MIA2: variants seen among roughly 807,000 people sequenced by gnomAD.
MIA2 encodes MIA SH3 domain ER export factor 2.
A neutral mutation model predicts 167.8 loss-of-function variants in MIA2; 127 were observed. The ratio of observed to expected loss-of-function variants is 0.76; its 90% CI spans 0.66 to 0.88. MIA2 has a LOEUF of 0.88. MIA2 is among the 40% of genes least tolerant of loss of function. MIA2 has a pLI of 0.00. For synonymous variants in MIA2, 552 were observed against 541.9 expected, an observed-to-expected ratio of 1.02 and a Z score of -0.26; for missense variants, 1,690 against 1,624.7, an observed-to-expected ratio of 1.04 and a Z score of -0.69.
intron 4 of MIA2, among the ~76,000 whole-genome samples, chr14:39,250,640 G>A (rs533540391): frequency 8.8e-4 from 133 of 151,436 alleles, no homozygotes; most frequent in African/African-American, 3.1e-3. Flanking sequence ...AGGTTGCAGC[G>A]AGCTGAAATT....
intron 22 of MIA2, among the ~76,000 whole-genome samples, chr14:39,318,274 G>T (rs555871930): frequency 6.8e-6 from 1 of 147,146 alleles, no homozygotes; most frequent in Non-Finnish European, 1.5e-5. Flanking sequence ...AGTGTAGATG[G>T]ATGGAGGTAA....
intron 2 of MIA2, 105 bp from the exon 3 acceptor site, chr14:39,240,456 G>T (rs966582774): frequency 3.1e-5 from 20 of 651,474 alleles, no homozygotes; most frequent in Non-Finnish European, 4.5e-5. Flanking sequence ...TAATGTTTGC[G>T]ATTCAGAGTA....
exon 24 of MIA2, chr14:39,387,183 A>C: frequency 2.2e-6 from 1 of 454,890 alleles, no homozygotes; most frequent in Non-Finnish European, 3.8e-6. Flanking sequence ...GCTACCATAG[A>C]TAGTATTTCA....
intron 25 of MIA2, among the ~76,000 whole-genome samples, chr14:39,343,827 ATGTG>A (rs1386652363): frequency 6.6e-6 from 1 of 151,880 alleles, no homozygotes; most frequent in Non-Finnish European, 1.5e-5. Flanking sequence ...GTGTGTGTAT[ATGTG>A]TGTATGTATG....
At chr14:39,243,058 G>A (rs2054123840) in intron 3 of MIA2, among the ~76,000 whole-genome samples, 1 of 150,750 alleles carries the variant, frequency 6.6e-6, no homozygotes, top group African/African-American at 2.5e-5. Flanking sequence ...AGAAGGCGGA[G>A]GTTACAGTGA....
intron 23 of MIA2, chr14:39,386,769 C>A: frequency 7.6e-7 from 1 of 1,319,138 alleles, no homozygotes; most frequent in Middle Eastern, 2.0e-4. Context: ...CTGAAATGCC[C>A]GCTTCTTTGC....
At chr14:39,367,391 T>C (rs1199608545) in intron 23 of MIA2, among the ~76,000 whole-genome samples, 1 of 152,228 alleles carries the variant, frequency 6.6e-6, no homozygotes, top group Non-Finnish European at 1.5e-5. Flanking sequence ...GAAATGGTGC[T>C]GTGCTGCACA....
intron 9 of MIA2, among the ~76,000 whole-genome samples, chr14:39,281,019 C>T (rs1042066240): frequency 6.9e-6 from 1 of 144,614 alleles, no homozygotes; most frequent in Non-Finnish European, 1.5e-5. Flanking sequence ...ACTTCCTGGA[C>T]TCAGGTGATC....
chr14:39,314,641 G>A, intron 19 of MIA2, 98 bp from the exon 20 acceptor site: 1 of 342,324 alleles, frequency 2.9e-6, no homozygotes, highest in Non-Finnish European at 5.0e-6. Context: ...ATGAAGTAGA[G>A]CATTCTGGGT....
chr14:39,322,320 A>G (rs1271110060), intron 24 of MIA2, among the ~76,000 whole-genome samples: 3 of 152,122 alleles, frequency 2.0e-5, no homozygotes, highest in African/African-American at 7.2e-5. Context: ...ACGGGGGCAG[A>G]TCATGAGGTC....
chr14:39,348,954 G>T lies in MIA2; in HGVS notation c.4049G>T (p.Gly1350Val). 6.2e-7 allele frequency: 1 copy of T among 1,613,624 alleles called. No homozygotes were observed. The highest frequency in any genetic ancestry group is 8.5e-7 in the Non-Finnish European group (1 of 1,179,656). ...RDYFPPGDFP[G>V]PPPAPFAMRN... ...TATTTTCCACCAGGGGATTTCCCAG[G>T]TCCACCACCTGCTCCATTTGCAAGT... The change falls in exon 28 of 29, where the codon GGT (glycine) becomes GTT (valine). Residue 1350 changes from glycine to valine, a missense_variant. Coordinates refer to ENST00000640607, the MANE Select transcript of MIA2 (RefSeq NM_001329214.4).
chr14:39,361,433 T>C (rs1358266161), intron 23 of MIA2, among the ~76,000 whole-genome samples: 1 of 114,264 alleles, frequency 8.8e-6, no homozygotes, highest in African/African-American at 3.5e-5. Flanking sequence ...CTTTTAGGTG[T>C]GTGGTTTTTT....
At chr14:39,327,489 A>G (rs1271183560) in intron 25 of MIA2, among the ~76,000 whole-genome samples, 1 of 152,094 alleles carries the variant, frequency 6.6e-6, no homozygotes, top group East Asian at 1.9e-4. Context: ...TTCACTGACC[A>G]TTTTATCTCA....
chr14:39,306,770 G>T (rs562725482), intron 17 of MIA2, among the ~76,000 whole-genome samples: 2 of 152,080 alleles, frequency 1.3e-5, no homozygotes, highest in Non-Finnish European at 2.9e-5. Flanking sequence ...TCATATACAC[G>T]TTACAGGAGA....
intron 23 of MIA2, among the ~76,000 whole-genome samples, chr14:39,378,703 A>G (rs1323628209): frequency 6.6e-6 from 1 of 152,240 alleles, no homozygotes; most frequent in Non-Finnish European, 1.5e-5. Flanking sequence ...ACACATTTAT[A>G]TAAATGCAGT....
At chr14:39,373,174 AATT>A (rs1324619455) in intron 23 of MIA2, among the ~76,000 whole-genome samples, 1 of 152,188 alleles carries the variant, frequency 6.6e-6, no homozygotes, top group Non-Finnish European at 1.5e-5. Flanking sequence ...AAAAGGATTT[AATT>A]ATGGTTTTAG....
At chr14:39,375,133 C>T (rs2075021917) in intron 23 of MIA2, among the ~76,000 whole-genome samples, 1 of 152,144 alleles carries the variant, frequency 6.6e-6, no homozygotes, top group Non-Finnish European at 1.5e-5. Context: ...CATGTGCTCC[C>T]AATTAAAACT....
At chr14:39,380,617 C>T (rs546193021) in intron 23 of MIA2, among the ~76,000 whole-genome samples, 7 of 148,622 alleles carry the variant, frequency 4.7e-5, no homozygotes, top group Non-Finnish European at 8.9e-5. Context: ...TGCTTGAACC[C>T]GGGAGGCGGA....
At chr14:39,371,384 C>A (rs939940742) in intron 23 of MIA2, among the ~76,000 whole-genome samples, 1 of 152,034 alleles carries the variant, frequency 6.6e-6, no homozygotes, top group African/African-American at 2.4e-5. Context: ...AAAGACAAGA[C>A]TTTTTTAGGG....
Sources: gnomAD v4.1 joint callset for allele counts (sites outside exome capture counted in the v4.1 genomes callset) on GRCh38, gnomAD v4.1.1 for gene constraint, MANE v1.5 for transcripts, NCBI Gene and HGNC (gene_info 2026-07-23, HGNC 2026-07-21) for gene names.